Variants in PMFBP1 observed in about 807,000 individuals in gnomAD.
PMFBP1 encodes polyamine-modulated factor 1-binding protein 1.
PMFBP1 carries 131 observed loss-of-function variants against 137.8 expected under a neutral mutation model. The ratio of observed to expected loss-of-function variants is 0.95; its 90% CI spans 0.82 to 1.10. The LOEUF (loss-of-function observed/expected upper bound fraction) is 1.10, where lower values mean the gene tolerates loss of function less well. Among genes scored for constraint, PMFBP1 ranks in the 50% least tolerant of loss-of-function variants. The probability of loss-of-function intolerance (pLI) is 0.00; values close to 1 mark genes in which losing one functional copy is unlikely to be tolerated. For synonymous variants in PMFBP1, 490 were observed against 450.4 expected, an observed-to-expected ratio of 1.09 and a Z score of -1.11; for missense variants, 1,199 against 1,175.4, an observed-to-expected ratio of 1.02 and a Z score of -0.29.
intron 18 of PMFBP1, among the ~76,000 whole-genome samples, chr16:72,123,308 G>A (rs1378835271): frequency 1.3e-5 from 2 of 152,176 alleles, no homozygotes; most frequent in African/African-American, 2.4e-5. Flanking sequence ...TCTTGCTGCC[G>A]AGCAAAGCAC....
chr16:72,179,593 G>T (rs1435710394), upstream of PMFBP1, among the ~76,000 whole-genome samples: 2 of 148,472 alleles, frequency 1.3e-5, no homozygotes, highest in African/African-American at 2.5e-5. Flanking sequence ...AAGTATTTTT[G>T]TTAAAAAAAA....
At chr16:72,157,235 G>C (rs1341396554) in intron 3 of PMFBP1, among the ~76,000 whole-genome samples, 2 of 151,190 alleles carry the variant, frequency 1.3e-5, no homozygotes, top group East Asian at 3.9e-4. Flanking sequence ...CGACTTTGTG[G>C]AGTTTGCATC....
At chr16:72,239,915 A>AAAAAAAAAAAAAAAG in the PMFBP1 span, among the ~76,000 whole-genome samples, 14 of 145,140 alleles carry the variant, frequency 9.6e-5, no homozygotes, top group Non-Finnish European at 1.7e-4. Context: ...AAAAAAAAAA[A>AAAAAAAAAAAAAAAG]AAGAATGTTC....
the PMFBP1 span, among the ~76,000 whole-genome samples, chr16:72,243,467 C>T: frequency 1.3e-5 from 2 of 152,208 alleles, no homozygotes; most frequent in African/African-American, 4.8e-5. Flanking sequence ...TTCATTAAAA[C>T]AACTCATTGC....
the PMFBP1 span, among the ~76,000 whole-genome samples, chr16:72,204,369 G>A: frequency 6.6e-6 from 1 of 152,094 alleles, no homozygotes; most frequent in African/African-American, 2.4e-5. Context: ...ACCACCGCAC[G>A]TTGCTAGTTT....
Position 72,134,137 on chromosome 16 carries a change from T to C in PMFBP1, c.1204-1146A>G, listed in dbSNP as rs542246110. 5.1e-3 allele frequency among the ~76,000 whole-genome samples: 771 copies of C among 152,164 alleles called. 8 individuals are homozygous for C. Among genetic ancestry groups the C allele is most frequent in the African/African-American group, 0.018 (737 of 41,508 alleles). On this transcript the variant is annotated intron_variant, in intron 9 of 20. Transcript: ENST00000237353. Reference sequence around the variant, plus strand: ...GGCCCTCTTCCAAGTATATTTTCCCTCCTTTCATTACTGCTCTAAGGCTTT... The same window carrying C: ...GGCCCTCTTCCAAGTATATTTTCCCCCCTTTCATTACTGCTCTAAGGCTTT...
intron 2 of PMFBP1, among the ~76,000 whole-genome samples, chr16:72,165,700 G>A (rs1261058885): frequency 6.6e-6 from 1 of 152,070 alleles, no homozygotes; most frequent in Non-Finnish European, 1.5e-5. Flanking sequence ...TTACAGGCAT[G>A]AGCCACCGTG....
At chr16:72,248,340 C>G in the PMFBP1 span, among the ~76,000 whole-genome samples, 3 of 152,066 alleles carry the variant, frequency 2.0e-5, no homozygotes, top group Non-Finnish European at 2.9e-5. Context: ...AACAATTATC[C>G]TAAGAATATG....
chr16:72,125,056 G>A, intron 16 of PMFBP1, 122 bp from the exon 17 acceptor site: 1 of 1,378,788 alleles, frequency 7.3e-7, no homozygotes, highest in Non-Finnish European at 9.9e-7. Context: ...TCTTCTCAGT[G>A]GCCAGCAGAG....
At chr16:72,154,688 A>G (rs1020784095) in intron 3 of PMFBP1, among the ~76,000 whole-genome samples, 7 of 152,198 alleles carry the variant, frequency 4.6e-5, no homozygotes, top group Admixed American at 6.5e-5. Context: ...AATGGTTCTT[A>G]TCTACCAAAA....
upstream of PMFBP1, chr16:72,176,780 T>A (rs2043260848): frequency 6.6e-6 from 1 of 152,256 alleles, no homozygotes; most frequent in Non-Finnish European, 1.5e-5. Flanking sequence ...AAAACACACT[T>A]ATTTAAGTTA....
chr16:72,202,526 A>C, the PMFBP1 span, among the ~76,000 whole-genome samples: 5 of 152,038 alleles, frequency 3.3e-5, no homozygotes, highest in Non-Finnish European at 7.4e-5. Context: ...TTTCCTCCCT[A>C]GGTCCCACCC....
the PMFBP1 span, among the ~76,000 whole-genome samples, chr16:72,246,169 A>G: frequency 6.6e-6 from 1 of 152,202 alleles, no homozygotes; most frequent in Non-Finnish European, 1.5e-5. Flanking sequence ...TTAACAGTAT[A>G]TGGTAACAGA....
chr16:72,150,112 CT>C (rs1411285776), intron 5 of PMFBP1, among the ~76,000 whole-genome samples: 6 of 152,154 alleles, frequency 3.9e-5, no homozygotes, highest in Non-Finnish European at 7.4e-5. Context: ...TGTTTCACAG[CT>C]TTTTCCTCCT....
the PMFBP1 span, among the ~76,000 whole-genome samples, chr16:72,239,026 A>C: frequency 6.6e-6 from 1 of 152,186 alleles, no homozygotes; most frequent in African/African-American, 2.4e-5. Context: ...AAACAAAAAA[A>C]CAGGAAAAGG....
upstream of PMFBP1, among the ~76,000 whole-genome samples, chr16:72,179,288 G>C (rs1231474500): frequency 6.6e-6 from 1 of 152,176 alleles, no homozygotes; most frequent in Non-Finnish European, 1.5e-5. Flanking sequence ...TAGAGCCCCT[G>C]GTGCTATGGG....
the PMFBP1 span, among the ~76,000 whole-genome samples, chr16:72,239,759 G>A: frequency 1.3e-5 from 2 of 151,878 alleles, no homozygotes; most frequent in Non-Finnish European, 2.9e-5. Flanking sequence ...GGGTGTGGTG[G>A]CATGTGCCTG....
At chr16:72,128,450 T>G in intron 14 of PMFBP1, 1 of 1,521,358 alleles carries the variant, frequency 6.6e-7, no homozygotes, top group Non-Finnish European at 8.8e-7. Context: ...AGATATGAGA[T>G]GAGACCTTCC....
the PMFBP1 span, among the ~76,000 whole-genome samples, chr16:72,184,584 A>T: frequency 1.3e-5 from 2 of 152,374 alleles, no homozygotes; most frequent in South Asian, 4.1e-4. Context: ...ACTAAGGCAC[A>T]GAGATGTGAA....
Sources: allele counts gnomAD v4.1 joint callset (sites outside exome capture counted in the v4.1 genomes callset), GRCh38; gene constraint gnomAD v4.1.1; transcripts MANE v1.5; gene names NCBI Gene and HGNC (gene_info 2026-07-23, HGNC 2026-07-21).